ZFP2: variants seen among roughly 807,000 people sequenced by gnomAD.
The protein encoded by ZFP2 is zinc finger protein ZFP2.
A neutral mutation model predicts 36.1 loss-of-function variants in ZFP2; 33 were observed. The ratio of observed to expected loss-of-function variants is 0.92; its 90% CI spans 0.69 to 1.22. ZFP2 has a LOEUF of 1.22. ZFP2 is among the 50% of genes most tolerant of loss of function. The pLI, the probability that ZFP2 is intolerant of heterozygous loss-of-function variation, is 0.00. For synonymous variants in ZFP2, 170 were observed against 178.0 expected (o/e 0.96, Z 0.36); for missense variants, 522 against 551.4 (o/e 0.95, Z 0.53).
In ZFP2 at chr5:178,931,006, C is replaced by T. The variant is rs530229976; in HGVS notation, c.-77-231C>T. On this transcript the variant is annotated intron_variant, in intron 4 of 4. Coordinates refer to ENST00000361362, the MANE Select transcript of ZFP2 (RefSeq NM_030613.4). ...CACTCTTTTCTCTGCTTATGCAGTA[C>T]ATCTGCCATCCCCTGCTTTCAGTTC... Among the ~76,000 whole-genome samples, 6 of 152,320 alleles carry T rather than the reference C, an allele frequency of 3.9e-5. No homozygotes were observed. The East Asian group carries it at 9.6e-4, about 24-fold the overall frequency.
intron 4 of ZFP2, among the ~76,000 whole-genome samples, chr5:178,925,571 T>C (rs1042962156): frequency 6.7e-6 from 1 of 149,574 alleles, no homozygotes; most frequent in African/African-American, 2.4e-5. Flanking sequence ...CAGTTTGAAT[T>C]TTTACATTTT....
At chr5:178,905,297 A>G (rs964432176) in intron 1 of ZFP2, among the ~76,000 whole-genome samples, 5 of 152,128 alleles carry the variant, frequency 3.3e-5, no homozygotes, top group African/African-American at 1.2e-4. Context: ...AAGATCTTGC[A>G]TATTTCTCTT....
chr5:178,898,061 A>G (rs1757977634), intron 1 of ZFP2, among the ~76,000 whole-genome samples: 1 of 151,878 alleles, frequency 6.6e-6, no homozygotes, highest in South Asian at 2.1e-4. Context: ...TGTGATCTCG[A>G]CACTGCAACC....
chr5:178,922,321 C>A, intron 4 of ZFP2: 2 of 953,496 alleles, frequency 2.1e-6, no homozygotes, highest in Non-Finnish European at 3.5e-6. Flanking sequence ...GCTGTATCTA[C>A]TTTCTTATGT....
At chr5:178,921,417 C>T (rs530805313) in intron 4 of ZFP2, among the ~76,000 whole-genome samples, 1 of 128,008 alleles carries the variant, frequency 7.8e-6, no homozygotes, top group Non-Finnish European at 1.9e-5. Flanking sequence ...TGAAGTGGGG[C>T]TTCTTGCTAC....
intron 4 of ZFP2, among the ~76,000 whole-genome samples, chr5:178,918,462 A>G (rs1257180713): frequency 6.6e-6 from 1 of 152,210 alleles, no homozygotes; most frequent in African/African-American, 2.4e-5. Context: ...CTTGCTGCCC[A>G]GTCCCATCCC....
Position 178,924,060 on chromosome 5 carries a change from G to A in ZFP2, c.-77-7177G>A, listed in dbSNP as rs1473374436. Among the ~76,000 whole-genome samples the A allele has an allele frequency of 1.3e-5, 2 of 148,916 alleles. 1 individual carries two copies. The highest frequency in any genetic ancestry group is 3.0e-5 in the Non-Finnish European group (2 of 66,404). On this transcript the variant is annotated intron_variant, in intron 4 of 4. Transcript: ENST00000361362. Reference sequence around the variant, plus strand: ...AGATAGGTACCATTTAACAAATTTGGACAATAGAGCACAGAGAGGTTAAGA... The same window carrying A: ...AGATAGGTACCATTTAACAAATTTGAACAATAGAGCACAGAGAGGTTAAGA...
At chr5:178,928,943 G>A (rs1304345178) in intron 4 of ZFP2, among the ~76,000 whole-genome samples, 2 of 152,228 alleles carry the variant, frequency 1.3e-5, no homozygotes, top group Admixed American at 1.3e-4. Flanking sequence ...AGCCTTAACT[G>A]TTCAACTGTG....
rs1277478817 is a variant in ZFP2 at position 178,931,818 on chromosome 5, C to G, written c.505C>G (p.Gln169Glu). Reference protein sequence around the residue: ...KCNECGKAFSQSMNLTVHQRT... With the variant: ...KCNECGKAFSESMNLTVHQRT... ...TAATGAATGTGGGAAAGCCTTTAGT[C>G]AGAGCATGAATCTTACTGTCCATCA... is the stretch of plus-strand genomic sequence containing the variant. Residue 169 changes from glutamine to glutamate, a missense_variant, in exon 5 of 5, where the codon CAG becomes GAG. By Grantham distance (29) the Gln-to-Glu change is conservative. Coordinates refer to ENST00000361362, the MANE Select transcript of ZFP2 (RefSeq NM_030613.4). 1 of 1,613,956 alleles carries G rather than the reference C, an allele frequency of 6.2e-7. No homozygotes were observed. Among genetic ancestry groups the G allele is most frequent in the Non-Finnish European group, 8.5e-7 (1 of 1,179,954 alleles).
chr5:178,931,607 AAAG>A lies in ZFP2; in HGVS notation c.299_301del (p.Lys100del). 3 of 1,614,198 alleles carry A rather than the reference AAAG, an allele frequency of 1.9e-6. No individual in the cohort carries two copies. Among genetic ancestry groups the A allele is most frequent in the Non-Finnish European group, 2.5e-6 (3 of 1,180,032 alleles). On this transcript the variant is annotated inframe_deletion, in exon 5 of 5. Transcript: ENST00000361362. ...TTAAAACTCAAAGAATGTTTGTAGG[AAAG>A]AAGATCTATGAATGTAATCAGTGCA...
intron 1 of ZFP2, among the ~76,000 whole-genome samples, chr5:178,898,816 T>C (rs1044288393): frequency 1.1e-4 from 17 of 152,350 alleles, no homozygotes; most frequent in African/African-American, 3.8e-4. Flanking sequence ...CCTCTGTTCC[T>C]AGCTGCCACT....
chr5:178,914,266 A>G (rs1758371743), intron 3 of ZFP2, among the ~76,000 whole-genome samples: 1 of 152,216 alleles, frequency 6.6e-6, no homozygotes, highest in Admixed American at 6.5e-5. Context: ...CATTAAAGGA[A>G]CACAATTATA....
rs887796567 is a variant in ZFP2, at chr5:178,930,208, G to A, written c.-77-1029G>A. Among the ~76,000 whole-genome samples the A allele has an allele frequency of 1.3e-5, 2 of 151,264 alleles. 1 individual carries two copies. Among genetic ancestry groups the A allele is most frequent in the Admixed American group, 1.3e-4 (2 of 15,172 alleles). On this transcript the variant is annotated intron_variant, in intron 4 of 4. Coordinates refer to ENST00000361362, the MANE Select transcript of ZFP2 (RefSeq NM_030613.4). ...TACATTTCAATATGAAATTTGGGTG[G>A]GGACACACATCCAAACTATACCACC...
At chr5:178,910,098 T>C in intron 1 of ZFP2, 1 of 1,470,954 alleles carries the variant, frequency 6.8e-7, no homozygotes, top group Non-Finnish European at 9.5e-7. Flanking sequence ...TTTATTCTCC[T>C]GTTTGGCTTC....
chr5:178,901,914 A>G (rs1057112031), intron 1 of ZFP2, among the ~76,000 whole-genome samples: 2 of 152,114 alleles, frequency 1.3e-5, no homozygotes, highest in African/African-American at 4.8e-5. Context: ...CAGGTGGATC[A>G]CTTGAGGTCA....
At chr5:178,919,403 T>C (rs887496549) in intron 4 of ZFP2, among the ~76,000 whole-genome samples, 3 of 152,220 alleles carry the variant, frequency 2.0e-5, no homozygotes, top group African/African-American at 7.2e-5. Context: ...CTTAACAGGG[T>C]GGGTCTGCTG....
intron 4 of ZFP2, among the ~76,000 whole-genome samples, chr5:178,926,822 G>C (rs1361314573): frequency 6.6e-6 from 1 of 152,092 alleles, no homozygotes; most frequent in Non-Finnish European, 1.5e-5. Context: ...CCGGCCACCT[G>C]CTGGTATTTT....
chr5:178,913,386 T>A, intron 3 of ZFP2, among the ~76,000 whole-genome samples: 1 of 152,240 alleles, frequency 6.6e-6, no homozygotes, highest in Non-Finnish European at 1.5e-5. Flanking sequence ...TGAAACCCTG[T>A]CTTTACGCAT....
chr5:178,911,483 C>T (rs934302525), intron 1 of ZFP2, among the ~76,000 whole-genome samples: 1 of 152,176 alleles, frequency 6.6e-6, no homozygotes, highest in African/African-American at 2.4e-5. Context: ...TCTCCTTCCT[C>T]CTCCTCTGCC....
Sources: gnomAD v4.1 joint callset for allele counts (sites outside exome capture counted in the v4.1 genomes callset) on GRCh38, gnomAD v4.1.1 for gene constraint, MANE v1.5 for transcripts, NCBI Gene and HGNC (gene_info 2026-07-23, HGNC 2026-07-21) for gene names.